IQSEC1: variants seen among roughly 807,000 people sequenced by gnomAD.
IQSEC1 encodes the protein IQ motif and Sec7 domain ArfGEF 1, also known as IQ motif and SEC7 domain-containing protein 1.
Under a neutral mutation model 91.0 loss-of-function variants are expected in IQSEC1, and 31 were observed. The observed-to-expected ratio is 0.34, with a 90% CI of 0.26 to 0.46. The LOEUF is 0.46. Among genes scored for constraint, IQSEC1 ranks in the 20% least tolerant of loss-of-function variants. The pLI is 1.00. For missense variants in IQSEC1, 1,388 were observed against 1,575.6 expected (o/e 0.88, Z 2.02); for synonymous variants, 699 against 662.6 (o/e 1.05, Z -0.84).
At chr3:13,265,820 G>A (rs1695479323) in intron 1 of IQSEC1, among the ~76,000 whole-genome samples, 1 of 148,256 alleles carries the variant, frequency 6.7e-6, no homozygotes, top group African/African-American at 2.5e-5. Flanking sequence ...GGCTACCACA[G>A]AGTCACACAG....
chr3:13,101,927 A>G (rs1298913012), intron 2 of IQSEC1, among the ~76,000 whole-genome samples: 2 of 121,814 alleles, frequency 1.6e-5, no homozygotes, highest in Non-Finnish European at 3.3e-5. Context: ...TTTGAAACTG[A>G]CTCTGGCCTT....
At chr3:13,221,363 T>C (rs995109675) in intron 1 of IQSEC1, among the ~76,000 whole-genome samples, 1 of 152,176 alleles carries the variant, frequency 6.6e-6, no homozygotes, top group African/African-American at 2.4e-5. Context: ...ACAGGACATG[T>C]CCCTGCGGTA....
intron 1 of IQSEC1, among the ~76,000 whole-genome samples, chr3:13,169,223 G>A (rs1185500580): frequency 6.6e-6 from 1 of 152,144 alleles, no homozygotes; most frequent in Non-Finnish European, 1.5e-5. Flanking sequence ...TAAGTACCAT[G>A]AGATCTGATG....
At chr3:12,921,868 T>G (rs1176927996) in intron 5 of IQSEC1, among the ~76,000 whole-genome samples, 1 of 152,192 alleles carries the variant, frequency 6.6e-6, no homozygotes, top group African/African-American at 2.4e-5. Flanking sequence ...CAACTTCAGT[T>G]TCCTCATCTT....
intron 2 of IQSEC1, among the ~76,000 whole-genome samples, chr3:13,086,032 G>A (rs957186150): frequency 1.3e-5 from 2 of 152,058 alleles, no homozygotes; most frequent in Non-Finnish European, 2.9e-5. Flanking sequence ...CAGGGCTGGC[G>A]CTGGAGGACT....
chr3:13,194,242 G>A (rs531344482), intron 1 of IQSEC1, among the ~76,000 whole-genome samples: 8 of 152,270 alleles, frequency 5.3e-5, no homozygotes, highest in African/African-American at 1.9e-4. Flanking sequence ...GGAGCAGTTG[G>A]AATGAGTCAG....
intron 1 of IQSEC1, among the ~76,000 whole-genome samples, chr3:12,942,483 G>T (rs1225453912): frequency 6.6e-6 from 1 of 151,862 alleles, no homozygotes; most frequent in Non-Finnish European, 1.5e-5. Flanking sequence ...GTCGCCTGTA[G>T]TCCCAGCTAC....
At chr3:13,118,156 C>T (rs1706366881) in intron 2 of IQSEC1, among the ~76,000 whole-genome samples, 1 of 152,126 alleles carries the variant, frequency 6.6e-6, no homozygotes, top group Non-Finnish European at 1.5e-5. Context: ...GCTGTGCTAA[C>T]CACCCTGGTC....
At chr3:13,127,417 C>T (rs1053679466) in intron 2 of IQSEC1, among the ~76,000 whole-genome samples, 3 of 124,274 alleles carry the variant, frequency 2.4e-5, no homozygotes, top group African/African-American at 1.2e-4. Flanking sequence ...TCTGTCTCAA[C>T]AACAACAACA....
intron 1 of IQSEC1, among the ~76,000 whole-genome samples, chr3:13,031,186 T>G (rs779346540): frequency 6.6e-6 from 1 of 152,218 alleles, no homozygotes; most frequent in Non-Finnish European, 1.5e-5. Context: ...GTGAACTCAC[T>G]CTTACCTGGA....
chr3:13,191,004 C>T (rs1694014325), intron 1 of IQSEC1, among the ~76,000 whole-genome samples: 1 of 152,218 alleles, frequency 6.6e-6, no homozygotes. Context: ...CACCCCTCCT[C>T]CTGCCCCCAA....
chr3:13,128,465 A>C (rs1165201033), intron 2 of IQSEC1, among the ~76,000 whole-genome samples: 4 of 152,220 alleles, frequency 2.6e-5, no homozygotes, highest in Non-Finnish European at 4.4e-5. Context: ...GGGTTACATT[A>C]ATTTTAAATA....
At chr3:12,947,891 G>T (rs1699286679) in intron 1 of IQSEC1, among the ~76,000 whole-genome samples, 1 of 152,246 alleles carries the variant, frequency 6.6e-6, no homozygotes, top group Non-Finnish European at 1.5e-5. Flanking sequence ...GGTGTTTTAT[G>T]TGGGGACATG....
Position 12,935,438 on chromosome 3 carries a change from T to A in IQSEC1, c.1568+10A>T. ...GCTGCCCACCCTGAGGGGTCACCCA[T>A]GGTACTCACTTGTTGAAGAGGTTCA... On this transcript the variant is annotated intron_variant, in intron 3 of 13. Transcript: ENST00000613206. This position sits in a 1 kb window ranked among gnomAD's most constrained non-coding sequence, Gnocchi z 8.0. The A allele has an allele frequency of 6.2e-7, 1 of 1,601,356 alleles. No homozygotes were observed. The highest frequency in any genetic ancestry group is 2.2e-5 in the East Asian group (1 of 44,618).
chr3:13,176,373 G>A (rs746953388), intron 1 of IQSEC1, among the ~76,000 whole-genome samples: 1 of 151,938 alleles, frequency 6.6e-6, no homozygotes, highest in Non-Finnish European at 1.5e-5. Context: ...TGCTACTAGA[G>A]TCCTCCCCTC....
At position 12,909,297 on chromosome 3, in the gene IQSEC1, C is replaced by G. The variant is rs1224024694; in HGVS notation, c.2554G>C (p.Glu852Gln). ...CACTCTATCCTGTGCTTCTCCATCTCTTGGACTTCCGCAATGGACTCCCGC... is the reference window on the plus strand; with the variant it reads ...CACTCTATCCTGTGCTTCTCCATCTGTTGGACTTCCGCAATGGACTCCCGC... ...DLRESIAEVQ[E>Q]MEKHRIESEL... Residue 852 changes from glutamate (E) to glutamine (Q), a missense_variant, in exon 11 of 14, where the codon GAG (glutamate) becomes CAG (glutamine). Around this residue, in one of 2 missense-constraint regions of IQSEC1, gnomAD observed 1,059 missense variants for 1,317.8 expected, o/e 0.80. Transcript: ENST00000613206. The surrounding 1 kb of genome is among the most constrained non-coding windows in gnomAD (Gnocchi z 4.9). The G allele has an allele frequency of 1.2e-6, 2 of 1,614,232 alleles. No individual in the cohort carries two copies.
In IQSEC1 at chr3:13,022,413, C is replaced by A. The variant is rs1458966784; in HGVS notation, c.23+50579G>T. ...ACTAGACCCTGTGGCTTCTGCACAA[C>A]CTTGCGCCTGCCTCCTGCCAGGAGA... On this transcript the variant is annotated intron_variant, in intron 1 of 13. Transcript: ENST00000613206. 5 of 1,079,324 alleles carry A rather than the reference C, an allele frequency of 4.6e-6. No homozygotes were observed. The East Asian group carries it at 2.3e-4, about 50-fold the overall frequency. The allele number at this position is 1,079,324 out of a possible 1,614,324, so 66.9% of individuals were successfully genotyped here.
intron 1 of IQSEC1, among the ~76,000 whole-genome samples, chr3:13,254,360 C>T (rs1441051715): frequency 1.3e-5 from 2 of 152,322 alleles, no homozygotes; most frequent in African/African-American, 2.4e-5. Flanking sequence ...GCCACAAGGG[C>T]GCCATGAACA....
intron 1 of IQSEC1, among the ~76,000 whole-genome samples, chr3:13,250,121 C>G (rs1015448732): frequency 2.6e-5 from 4 of 152,248 alleles, no homozygotes; most frequent in African/African-American, 9.6e-5. Flanking sequence ...ACATAACCTT[C>G]TTAGCCTTTC....
Sources: allele counts gnomAD v4.1 joint callset (sites outside exome capture counted in the v4.1 genomes callset), GRCh38; gene constraint gnomAD v4.1.1; regional missense constraint gnomAD v4.1.1; non-coding constraint Gnocchi (gnomAD v3.1); transcripts MANE v1.5; gene names NCBI Gene and HGNC (gene_info 2026-07-23, HGNC 2026-07-21).